Variants in PCDHGA10 observed in about 807,000 individuals in gnomAD.
PCDHGA10 encodes protocadherin gamma subfamily A, 10, also known as protocadherin gamma-A10.
In PCDHGA10, 42 loss-of-function variants were observed where a neutral mutation model predicts 59.5. The ratio of observed to expected loss-of-function variants is 0.71; its 90% confidence interval spans 0.55 to 0.91. The LOEUF (loss-of-function observed/expected upper bound fraction) is 0.91, where lower values mean the gene tolerates loss of function less well. PCDHGA10 is among the 40% of genes least tolerant of loss of function. PCDHGA10 has a pLI of 0.00. For synonymous variants in PCDHGA10, 511 were observed against 517.2 expected, an observed-to-expected ratio of 0.99 and a Z score of 0.16; for missense variants, 1,111 against 1,198.2, an observed-to-expected ratio of 0.93 and a Z score of 1.07.
chr5:141,503,471 C>A (rs2099820129), intron 2 of PCDHGA10, among the ~76,000 whole-genome samples: 1 of 151,836 alleles, frequency 6.6e-6, no homozygotes, highest in African/African-American at 2.4e-5. Context: ...GGCATGTGTG[C>A]ACTTGTCGTC....
rs570809952 is a variant in PCDHGA10 at position 141,463,609 on chromosome 5, C to T, written c.2437-31198C>T. 4.6e-5 allele frequency among the ~76,000 whole-genome samples: 7 copies of T among 151,964 alleles called. No homozygotes were observed. In the East Asian group the frequency reaches 9.7e-4, roughly 21 times the overall value. The stretch of plus-strand genomic sequence containing the variant: ...GACTACAGGTGCCTGCCACCATGCC[C>T]GGCTAATTTTTTGTATTTTGTTTAG... On this transcript the variant is annotated intron_variant, in intron 1 of 3. Coordinates refer to ENST00000398610, the MANE Select transcript of PCDHGA10 (RefSeq NM_018913.3).
Position 141,427,790 on chromosome 5 carries a change from C to T in PCDHGA10, c.2436+12179C>T, listed in dbSNP as rs1212280689. ...TGGAGCTGCGGGCACTGTCGTCCTACGTGTCCGTGAGCGCACAGAGCGGGG... is the reference window on the plus strand; with the variant it reads ...TGGAGCTGCGGGCACTGTCGTCCTATGTGTCCGTGAGCGCACAGAGCGGGG... On this transcript the variant is annotated intron_variant, in intron 1 of 3. Transcript: ENST00000398610. 2.0e-6 allele frequency: 3 copies of T among 1,482,108 alleles called. No homozygotes were observed. The Admixed American group carries it at 5.0e-5, about 25-fold the overall frequency. 91.8% of individuals were successfully genotyped at this position (1,482,108 alleles called of 1,614,324 possible).
At chr5:141,500,947 C>T (rs933082173) in intron 2 of PCDHGA10, among the ~76,000 whole-genome samples, 15 of 151,822 alleles carry the variant, frequency 9.9e-5, no homozygotes, top group African/African-American at 3.6e-4. Context: ...CGGCTCACTG[C>T]AAGCTCCACC....
At chr5:141,454,970 G>A (rs2098808431) in intron 1 of PCDHGA10, among the ~76,000 whole-genome samples, 2 of 151,444 alleles carry the variant, frequency 1.3e-5, no homozygotes, top group African/African-American at 4.9e-5. Context: ...ACCACGCCTG[G>A]CTAATTTTTT....
At chr5:141,434,489 C>T (rs921000136) in intron 1 of PCDHGA10, among the ~76,000 whole-genome samples, 4 of 152,158 alleles carry the variant, frequency 2.6e-5, no homozygotes, top group Non-Finnish European at 4.4e-5. Flanking sequence ...ACACCTGGCC[C>T]GCCCAGGGCA....
intron 1 of PCDHGA10, chr5:141,419,027 G>A (rs1415215066): frequency 6.2e-7 from 1 of 1,613,870 alleles, no homozygotes; most frequent in Admixed American, 1.7e-5. Flanking sequence ...AAGTAGAGGT[G>A]TTCCATTTAA....
In PCDHGA10 at chr5:141,487,135, A is replaced by T; in HGVS notation, c.2437-7672A>T. 6.2e-7 allele frequency: 1 copy of T among 1,613,544 alleles called. No individual in the cohort carries two copies. The highest frequency in any genetic ancestry group is 8.5e-7 in the Non-Finnish European group (1 of 1,179,856). ...TGGTAAAGGATAGTGGTAGTCCACC[A>T]CTCTCTACCTCTGTTACTCTCTTAG... On this transcript the variant is annotated intron_variant, in intron 1 of 3. Transcript: ENST00000398610. The surrounding 1 kb of genome is among the most constrained non-coding windows in gnomAD (Gnocchi z 5.0).
chr5:141,497,003 A>C (rs928317358), intron 2 of PCDHGA10, among the ~76,000 whole-genome samples: 2 of 152,148 alleles, frequency 1.3e-5, no homozygotes, highest in African/African-American at 4.8e-5. Context: ...CTGGCAGCCA[A>C]CATGGTGAAA....
chr5:141,472,337 C>T (rs1327386198), intron 1 of PCDHGA10, among the ~76,000 whole-genome samples: 1 of 151,764 alleles, frequency 6.6e-6, no homozygotes, highest in Non-Finnish European at 1.5e-5. Context: ...GTTGGGAGAT[C>T]GAGACCATCC....
chr5:141,422,926 G>GC, intron 1 of PCDHGA10: 1 of 1,614,230 alleles, frequency 6.2e-7, no homozygotes, highest in African/African-American at 1.3e-5. Context: ...CCTGTACCCT[G>GC]CCCTCCCCAC....
chr5:141,457,118 A>G (rs1427146922), intron 1 of PCDHGA10, among the ~76,000 whole-genome samples: 3 of 152,228 alleles, frequency 2.0e-5, no homozygotes, highest in Non-Finnish European at 4.4e-5. Context: ...TACGACAGCA[A>G]TGGAAACTCT....
At chr5:141,479,476 G>A (rs1481785254) in intron 1 of PCDHGA10, 1 of 152,250 alleles carries the variant, frequency 6.6e-6, no homozygotes, top group African/African-American at 2.4e-5. Context: ...CCTCTTGGGA[G>A]GGCAGGACCA....
At chr5:141,429,770 A>T (rs2097244120) in intron 1 of PCDHGA10, among the ~76,000 whole-genome samples, 1 of 152,122 alleles carries the variant, frequency 6.6e-6, no homozygotes, top group Admixed American at 6.6e-5. Context: ...CTATATTTTG[A>T]TGGGCTTCCA....
At chr5:141,436,959 G>A (rs1385958934) in intron 1 of PCDHGA10, among the ~76,000 whole-genome samples, 1 of 152,120 alleles carries the variant, frequency 6.6e-6, no homozygotes, top group Non-Finnish European at 1.5e-5. Context: ...TCTAAACAAG[G>A]ATCTTGTGAA....
rs1250096461 is a variant in PCDHGA10 at position 141,485,533 on chromosome 5, G to A, written c.2437-9274G>A. 6.2e-7 allele frequency: 1 copy of A among 1,614,084 alleles called. No homozygotes were observed. Among genetic ancestry groups the A allele is most frequent in the Non-Finnish European group, 8.5e-7 (1 of 1,180,034 alleles). On this transcript the variant is annotated intron_variant, in intron 1 of 3. Coordinates refer to ENST00000398610, the MANE Select transcript of PCDHGA10 (RefSeq NM_018913.3). This position sits in a 1 kb window ranked among gnomAD's most constrained non-coding sequence, Gnocchi z 5.7. ...GTCCTTTGGAAATGTACCGAGCAGA[G>A]GTAGAGATCGTAGATGTGAATGATC...
At chr5:141,494,156 C>T (rs566096073) in intron 1 of PCDHGA10, among the ~76,000 whole-genome samples, 22 of 152,316 alleles carry the variant, frequency 1.4e-4, no homozygotes, top group African/African-American at 4.3e-4. Context: ...TTGTCTGGCA[C>T]GGAGTTCTAG....
At chr5:141,430,817 C>T (rs200369093) in intron 1 of PCDHGA10, 2 of 1,539,796 alleles carry the variant, frequency 1.3e-6, no homozygotes, top group Non-Finnish European at 1.7e-6. Flanking sequence ...GGGAATCCTC[C>T]TGGGGACTCT....
At chr5:141,475,903 G>A in intron 1 of PCDHGA10, 1 of 576,064 alleles carries the variant, frequency 1.7e-6, no homozygotes. Context: ...TGCCGCTGTC[G>A]GCCAATGAAG....
At chr5:141,502,818 C>T (rs1209481886) in intron 2 of PCDHGA10, among the ~76,000 whole-genome samples, 1 of 150,836 alleles carries the variant, frequency 6.6e-6, no homozygotes, top group Non-Finnish European at 1.5e-5. Context: ...ACTGTCTTTT[C>T]CTTGGGGAAG....
Sources: gnomAD v4.1 joint callset for allele counts (sites outside exome capture counted in the v4.1 genomes callset) on GRCh38, gnomAD v4.1.1 for gene constraint, Gnocchi (gnomAD v3.1) non-coding constraint, MANE v1.5 for transcripts, NCBI Gene and HGNC (gene_info 2026-07-23, HGNC 2026-07-21) for gene names.